The following AGBL3 variants were observed in gnomAD, a reference collection of about 807,000 sequenced individuals.
The protein encoded by AGBL3 is AGBL carboxypeptidase 3.
A neutral mutation model predicts 94.5 loss-of-function variants in AGBL3; 68 were observed. That is an observed-to-expected ratio of 0.72 (90% CI 0.59 to 0.88). AGBL3 has a LOEUF of 0.88. AGBL3 is among the 40% of genes least tolerant of loss of function. The pLI, the probability that AGBL3 is intolerant of heterozygous loss-of-function variation, is 0.00. For synonymous variants in AGBL3, 354 were observed against 370.7 expected (o/e 0.95, Z 0.52); for missense variants, 934 against 1,103.8 (o/e 0.85, Z 2.18).
rs527305373 is a variant in AGBL3 at position 135,122,978 on chromosome 7, T to G, written c.2342+7367T>G. ...ACACTGAAAACCCAAAAGGCCAGAG[T>G]GCCTCCTCTCCTCCAAATGATCGCA... On this transcript the variant is annotated intron_variant, in intron 16 of 16. Transcript: ENST00000436302. 7.9e-5 allele frequency among the ~76,000 whole-genome samples: 12 copies of G among 151,690 alleles called. No homozygotes were observed. In the East Asian group the frequency reaches 2.1e-3, roughly 27 times the overall value.
Position 135,045,871 on chromosome 7 carries a change from G to A in AGBL3, c.1801G>A (p.Asp601Asn). Residue 601 changes from aspartate (D) to asparagine (N), a missense_variant, in exon 11 of 17, where the codon GAC becomes AAC. Asp to Asn is a conservative substitution (Grantham distance 23, BLOSUM62 1). Transcript: ENST00000436302. ...ITLEKVFEDSDTPVIDITLDV... is the reference protein window; with the variant it reads ...ITLEKVFEDSNTPVIDITLDV... ...CCTGGAAAAAGTCTTTGAGGATTCA[G>A]ACACACCTGTGATAGACATTACATT... 2 of 1,550,544 alleles carry A rather than the reference G, an allele frequency of 1.3e-6. No individual in the cohort carries two copies. Among genetic ancestry groups the A allele is most frequent in the Non-Finnish European group, 1.7e-6 (2 of 1,146,166 alleles).
intron 15 of AGBL3, chr7:135,099,882 CTTTTTTTTTTTTT>C (rs34324217): frequency 4.8e-5 from 3 of 62,700 alleles, no homozygotes; most frequent in African/African-American, 1.9e-4. Context: ...CTGAGTTTCT[CTTTTTTTTTTTTT>C]TTTTTTTTTT....
At chr7:135,110,481 T>C (rs1825468913) in intron 15 of AGBL3, among the ~76,000 whole-genome samples, 1 of 152,012 alleles carries the variant, frequency 6.6e-6, no homozygotes, top group African/African-American at 2.4e-5. Context: ...CAGGAATTGG[T>C]GGAGTGGGTT....
intron 13 of AGBL3, among the ~76,000 whole-genome samples, chr7:135,077,251 A>G (rs1214655925): frequency 1.3e-5 from 2 of 152,218 alleles, no homozygotes; most frequent in African/African-American, 4.8e-5. Context: ...GTCCCCGTAC[A>G]TGAGACAGAG....
intron 12 of AGBL3, among the ~76,000 whole-genome samples, chr7:135,061,748 G>GT (rs2116705555): frequency 6.6e-6 from 1 of 152,104 alleles, no homozygotes; most frequent in African/African-American, 2.4e-5. Flanking sequence ...TTATGTGTCT[G>GT]TTTTTAAGCC....
At chr7:135,075,478 T>A (rs1820360731) in intron 12 of AGBL3, among the ~76,000 whole-genome samples, 1 of 152,198 alleles carries the variant, frequency 6.6e-6, no homozygotes, top group South Asian at 2.1e-4. Flanking sequence ...ATTTAACCAT[T>A]CACCTGTTGA....
intron 15 of AGBL3, among the ~76,000 whole-genome samples, chr7:135,107,844 T>C (rs1343457542): frequency 6.6e-6 from 1 of 152,216 alleles, no homozygotes; most frequent in African/African-American, 2.4e-5. Flanking sequence ...TGTGGGAATC[T>C]AAGTCTTTTT....
chr7:135,025,442 C>A (rs1297155919), intron 5 of AGBL3, among the ~76,000 whole-genome samples: 1 of 151,578 alleles, frequency 6.6e-6, no homozygotes, highest in Non-Finnish European at 1.5e-5. Context: ...ACTAGACCAG[C>A]CTTACAAGAT....
At chr7:135,038,413 C>A (rs186703398) in intron 8 of AGBL3, among the ~76,000 whole-genome samples, 1 of 152,232 alleles carries the variant, frequency 6.6e-6, no homozygotes, top group Non-Finnish European at 1.5e-5. Context: ...TAAATTTATA[C>A]TGTCAATACT....
chr7:135,023,121 T>A (rs1358635181), intron 5 of AGBL3, among the ~76,000 whole-genome samples: 6 of 152,220 alleles, frequency 3.9e-5, no homozygotes, highest in Non-Finnish European at 1.5e-5. Flanking sequence ...TATTCTCAAT[T>A]CCTGCTTCCC....
chr7:135,053,963 T>C (rs1818116164), intron 11 of AGBL3, among the ~76,000 whole-genome samples: 2 of 152,210 alleles, frequency 1.3e-5, no homozygotes, highest in African/African-American at 2.4e-5. Flanking sequence ...TCAAGGCTGA[T>C]ATGAACAACA....
chr7:135,004,009 C>A (rs1048543232), intron 4 of AGBL3, among the ~76,000 whole-genome samples: 3 of 151,328 alleles, frequency 2.0e-5, no homozygotes, highest in African/African-American at 7.3e-5. Flanking sequence ...TTATCTTATT[C>A]TTCATTTTAA....
chr7:135,048,751 TTG>T (rs1179088157), intron 11 of AGBL3, among the ~76,000 whole-genome samples: 2 of 111,170 alleles, frequency 1.8e-5, no homozygotes, highest in Non-Finnish European at 4.1e-5. Context: ...GTTCTCACAG[TTG>T]TTTTTTTTTT....
chr7:135,124,127 G>A (rs996882646), intron 16 of AGBL3, among the ~76,000 whole-genome samples: 2 of 152,038 alleles, frequency 1.3e-5, no homozygotes, highest in African/African-American at 4.8e-5. Context: ...AGTCCCATTG[G>A]TGTGCTGCAT....
chr7:135,021,663 CT>C (rs60821704), intron 5 of AGBL3, among the ~76,000 whole-genome samples: 16 of 146,688 alleles, frequency 1.1e-4, no homozygotes, highest in African/African-American at 3.5e-4. Flanking sequence ...TTGGGATTTG[CT>C]TTTTTTTTTT....
At chr7:135,001,184 A>C (rs1177264594) in intron 4 of AGBL3, among the ~76,000 whole-genome samples, 1 of 152,196 alleles carries the variant, frequency 6.6e-6, no homozygotes, top group Non-Finnish European at 1.5e-5. Context: ...CTTTCACCTT[A>C]ATTTCATCAA....
At chr7:135,022,802 T>C (rs1036422668) in intron 5 of AGBL3, among the ~76,000 whole-genome samples, 1 of 152,152 alleles carries the variant, frequency 6.6e-6, no homozygotes, top group African/African-American at 2.4e-5. Flanking sequence ...ATTTGCTTTT[T>C]ATATAAACTG....
intron 15 of AGBL3, among the ~76,000 whole-genome samples, chr7:135,100,513 C>T (rs190350341): frequency 1.1e-4 from 16 of 152,300 alleles, no homozygotes; most frequent in Admixed American, 5.9e-4. Context: ...ATTTGTACAA[C>T]AGAGAGACCA....
chr7:135,091,039 T>C (rs6949063), intron 15 of AGBL3, among the ~76,000 whole-genome samples: 73,701 of 151,940 alleles, frequency 0.49, 18,245 homozygotes, highest in South Asian at 0.66. Flanking sequence ...TGCAGGGACC[T>C]CAGTGGTGAA....
Sources: gnomAD v4.1 joint callset for allele counts (sites outside exome capture counted in the v4.1 genomes callset) on GRCh38, gnomAD v4.1.1 for gene constraint, MANE v1.5 for transcripts, NCBI Gene and HGNC (gene_info 2026-07-23, HGNC 2026-07-21) for gene names.